The following IL1RAPL1 variants were observed in gnomAD, a reference collection of about 807,000 sequenced individuals.
The protein encoded by IL1RAPL1 is interleukin 1 receptor accessory protein like 1.
IL1RAPL1 carries 3 observed loss-of-function variants against 48.4 expected under a neutral mutation model. The observed-to-expected ratio is 0.06, with a 90% CI of 0.03 to 0.16. IL1RAPL1 has a LOEUF of 0.16. Ranked by LOEUF, IL1RAPL1 falls within the 10% of genes least tolerant of loss-of-function variation. The pLI is 1.00. For missense variants in IL1RAPL1, 349 were observed against 530.6 expected (o/e 0.66, Z 3.36); for synonymous variants, 185 against 187.7 (o/e 0.99, Z 0.12).
At chrX:29,336,463 C>G (rs923896387) in intron 3 of IL1RAPL1, among the ~76,000 whole-genome samples, 7 of 107,510 alleles carry the variant, frequency 6.5e-5, no homozygotes, top group Admixed American at 4.1e-4. Context: ...ATGAATAGTT[C>G]GAAATGTAAA....
chrX:28,690,612 A>G (rs189195096), intron 1 of IL1RAPL1, among the ~76,000 whole-genome samples: 29 of 111,247 alleles, frequency 2.6e-4, no homozygotes, highest in Middle Eastern at 4.7e-3. Context: ...CATATATCCA[A>G]TAAACTACCT....
intron 6 of IL1RAPL1, among the ~76,000 whole-genome samples, chrX:29,837,258 C>CA (rs34032700): frequency 6.5e-3 from 196 of 29,978 alleles, no homozygotes; most frequent in South Asian, 0.011. Flanking sequence ...GACTGCATCT[C>CA]AAAAAAAAAA....
chrX:29,767,771 C>T (rs1208344086), intron 6 of IL1RAPL1, among the ~76,000 whole-genome samples: 5 of 111,328 alleles, frequency 4.5e-5, no homozygotes, highest in Admixed American at 1.9e-4. Context: ...ATCAAAACTG[C>T]GCAGTAAACT....
rs757407276 is a variant in IL1RAPL1 at position 29,802,847 on chromosome X, ATGTG to A, written c.779-114615_779-114612del. On this transcript the variant is annotated intron_variant, in intron 6 of 10. Coordinates refer to ENST00000378993, the MANE Select transcript of IL1RAPL1 (RefSeq NM_014271.4). The stretch of plus-strand genomic sequence containing the variant: ...TATGTATACATATATGTATACATAT[ATGTG>A]TATATACGTGTACATATGTATACAT... Among the ~76,000 whole-genome samples the A allele has an allele frequency of 1.3e-3, 113 of 89,860 alleles. 10 individuals are homozygous for A. Among genetic ancestry groups the A allele is most frequent in the African/African-American group, 4.7e-3 (108 of 22,877 alleles). The allele number at this position is 89,860 out of a possible 115,157, so 78.0% of individuals were successfully genotyped here.
At chrX:29,869,951 T>C (rs1221093473) in intron 6 of IL1RAPL1, among the ~76,000 whole-genome samples, 1 of 110,514 alleles carries the variant, frequency 9.0e-6, no homozygotes, top group Admixed American at 9.7e-5. Flanking sequence ...ACAACTATTG[T>C]GAGATTCAAA....
intron 6 of IL1RAPL1, among the ~76,000 whole-genome samples, chrX:29,761,421 G>A (rs1928749927): frequency 1.8e-5 from 2 of 111,747 alleles, no homozygotes; most frequent in Non-Finnish European, 3.8e-5. Flanking sequence ...CCTCTCGCCA[G>A]CATTTCTTCA....
chrX:29,248,895 C>T (rs774173397), intron 2 of IL1RAPL1, among the ~76,000 whole-genome samples: 1 of 111,769 alleles, frequency 8.9e-6, no homozygotes, highest in South Asian at 3.7e-4. Context: ...TGTTGAATTG[C>T]ATAAGATTGG....
chrX:29,585,196 T>C (rs1923116433), intron 5 of IL1RAPL1, among the ~76,000 whole-genome samples: 1 of 111,849 alleles, frequency 8.9e-6, no homozygotes, highest in Non-Finnish European at 1.9e-5. Context: ...GTAATTCCCA[T>C]TTATCCCCAC....
intron 5 of IL1RAPL1, among the ~76,000 whole-genome samples, chrX:29,573,650 C>A (rs1002738262): frequency 8.9e-6 from 1 of 112,286 alleles, no homozygotes; most frequent in Non-Finnish European, 1.9e-5. Context: ...CCTCCCATCA[C>A]TGGCATATCT....
intron 1 of IL1RAPL1, among the ~76,000 whole-genome samples, chrX:28,784,565 A>G (rs1406356820): frequency 9.0e-6 from 1 of 111,621 alleles, no homozygotes; most frequent in Non-Finnish European, 1.9e-5. Context: ...AAAGTAGGTA[A>G]AAACTGAAAT....
chrX:28,886,659 T>C (rs1031106668), intron 2 of IL1RAPL1, among the ~76,000 whole-genome samples: 3 of 111,327 alleles, frequency 2.7e-5, no homozygotes, highest in African/African-American at 9.8e-5. Context: ...CGTTTACCAA[T>C]GAAGAATAAC....
rs778812306 is a variant in IL1RAPL1 at position 28,952,105 on chromosome X, ACT to A, written c.82+162681_82+162682del. ...TACCGTAGAGAATTTCCCCATACAC[ACT>A]TTCATTTGTCTTAATTTATGGTGAG... is the stretch of plus-strand genomic sequence containing the variant. On this transcript the variant is annotated intron_variant, in intron 2 of 10. Coordinates refer to ENST00000378993, the MANE Select transcript of IL1RAPL1 (RefSeq NM_014271.4). 3.6e-5 allele frequency among the ~76,000 whole-genome samples: 4 copies of A among 111,124 alleles called. No individual in the cohort carries two copies. The South Asian group carries it at 1.5e-3, about 41-fold the overall frequency.
At chrX:29,268,011 A>C (rs1439281711) in intron 2 of IL1RAPL1, among the ~76,000 whole-genome samples, 1 of 111,125 alleles carries the variant, frequency 9.0e-6, no homozygotes, top group Admixed American at 9.6e-5. Context: ...AGCCTCTGTG[A>C]AGTGTTAAAT....
chrX:29,106,503 G>T (rs1928449832), intron 2 of IL1RAPL1, among the ~76,000 whole-genome samples: 1 of 111,630 alleles, frequency 9.0e-6, no homozygotes, highest in Non-Finnish European at 1.9e-5. Flanking sequence ...GATGGAGTGA[G>T]ATAAGGATAT....
intron 6 of IL1RAPL1, among the ~76,000 whole-genome samples, chrX:29,805,121 G>GT (rs1008556482): frequency 2.1e-4 from 23 of 111,476 alleles, no homozygotes; most frequent in Non-Finnish European, 3.8e-4. Flanking sequence ...GTAGATTTCA[G>GT]TTTTTTTCAC....
chrX:28,697,133 C>CT (rs1935241781), intron 1 of IL1RAPL1, among the ~76,000 whole-genome samples: 1 of 110,649 alleles, frequency 9.0e-6, no homozygotes, highest in Non-Finnish European at 1.9e-5. Context: ...GTACATTGGA[C>CT]TTTTTTTTGA....
chrX:29,507,388 TTCCCTTTCCCTCCCCTCCCCTTCC>T, intron 5 of IL1RAPL1, among the ~76,000 whole-genome samples: 1 of 16,055 alleles, frequency 6.2e-5, no homozygotes, highest in East Asian at 2.5e-3. Flanking sequence ...TCCCCTTCCC[TTCCCTTTCCCTCCCCTCCCCTTCC>T]CTTCCCTTCC....
intron 1 of IL1RAPL1, among the ~76,000 whole-genome samples, chrX:28,716,634 C>T (rs981810440): frequency 6.3e-5 from 7 of 111,462 alleles, no homozygotes; most frequent in Non-Finnish European, 9.4e-5. Flanking sequence ...TTCATGATGA[C>T]GACACCAAAA....
intron 6 of IL1RAPL1, among the ~76,000 whole-genome samples, chrX:29,717,344 T>C (rs771836192): frequency 9.0e-6 from 1 of 111,633 alleles, no homozygotes; most frequent in African/African-American, 3.2e-5. Flanking sequence ...AAACTTGGCC[T>C]CTAGAAACAA....
Sources: allele counts gnomAD v4.1 joint callset (sites outside exome capture counted in the v4.1 genomes callset), GRCh38; gene constraint gnomAD v4.1.1; transcripts MANE v1.5; gene names NCBI Gene and HGNC (gene_info 2026-07-23, HGNC 2026-07-21).